OXCT1: variants seen among roughly 807,000 people sequenced by gnomAD.
The protein encoded by OXCT1 is succinyl-CoA:3-ketoacid coenzyme A transferase 1, mitochondrial.
In OXCT1, 27 loss-of-function variants were observed where a neutral mutation model predicts 69.6. That is an observed-to-expected ratio of 0.39 (90% confidence interval 0.29 to 0.54). OXCT1 has a LOEUF of 0.54. Ranked by LOEUF, OXCT1 falls within the 20% of genes least tolerant of loss-of-function variation. OXCT1 has a pLI of 0.72. For missense variants in OXCT1, 437 were observed against 650.2 expected (o/e 0.67, Z 3.57); for synonymous variants, 202 against 217.8 (o/e 0.93, Z 0.64).
intron 14 of OXCT1, among the ~76,000 whole-genome samples, chr5:41,751,305 A>C (rs935652560): frequency 5.2e-4 from 79 of 152,068 alleles, no homozygotes; most frequent in African/African-American, 1.8e-3. Flanking sequence ...AGTTCTCATT[A>C]TTTGAGCAAG....
At chr5:41,772,609 A>T (rs1364811453) in intron 13 of OXCT1, among the ~76,000 whole-genome samples, 1 of 152,238 alleles carries the variant, frequency 6.6e-6, no homozygotes, top group Non-Finnish European at 1.5e-5. Flanking sequence ...CATTAAATTA[A>T]TAACTACTGT....
At chr5:41,759,562 G>A (rs1305411484) in intron 14 of OXCT1, among the ~76,000 whole-genome samples, 1 of 151,980 alleles carries the variant, frequency 6.6e-6, no homozygotes, top group Non-Finnish European at 1.5e-5. Flanking sequence ...GTAGTCTGAG[G>A]GCAGGTGTTA....
At chr5:41,789,218 CCTAA>C (rs1256995286) in intron 13 of OXCT1, among the ~76,000 whole-genome samples, 2 of 152,144 alleles carry the variant, frequency 1.3e-5, no homozygotes, top group East Asian at 1.9e-4. Context: ...CAGTTTCTAT[CCTAA>C]CTATTTAAAG....
rs913510893 is a variant in OXCT1 at position 41,731,227 on chromosome 5, G to A, written c.*502C>T. The stretch of plus-strand genomic sequence containing the variant: ...CATCTGTTTAAAAGCAGTATGGGAG[G>A]AAGGGGGATGTTCTAGGGGGACAAG... On this transcript the variant is annotated 3_prime_UTR_variant, in exon 17 of 17. Coordinates refer to ENST00000196371, the MANE Select transcript of OXCT1 (RefSeq NM_000436.4). The A allele has an allele frequency of 3.0e-5, 7 of 234,792 alleles. No individual in the cohort carries two copies. The highest frequency in any genetic ancestry group is 1.6e-4 in the African/African-American group (7 of 42,782). The allele number at this position is 234,792 out of a possible 1,614,324, so 14.5% of individuals were successfully genotyped here.
chr5:41,791,067 T>C (rs1324811641), intron 13 of OXCT1, among the ~76,000 whole-genome samples: 2 of 152,192 alleles, frequency 1.3e-5, no homozygotes, highest in East Asian at 1.9e-4. Flanking sequence ...AGCCAAAACA[T>C]GTGCTTCAGA....
At chr5:41,796,545 A>G (rs115128175) in intron 11 of OXCT1, among the ~76,000 whole-genome samples, 3,540 of 152,330 alleles carry the variant, frequency 0.023, 56 homozygotes, top group South Asian at 0.04. Flanking sequence ...TAACTTTTCC[A>G]TCAATATCCC....
At chr5:41,840,256 T>C (rs1435423505) in intron 7 of OXCT1, among the ~76,000 whole-genome samples, 195 bp downstream of exon 7, 1 of 152,170 alleles carries the variant, frequency 6.6e-6, no homozygotes, top group African/African-American at 2.4e-5. Flanking sequence ...AGTGAGACCC[T>C]ATCTAACCAG....
At chr5:41,732,347 T>C (rs1742676998) in intron 16 of OXCT1, among the ~76,000 whole-genome samples, 1 of 152,170 alleles carries the variant, frequency 6.6e-6, no homozygotes, top group African/African-American at 2.4e-5. Flanking sequence ...AGTAATAGCA[T>C]TAAAACAATT....
intron 14 of OXCT1, among the ~76,000 whole-genome samples, chr5:41,761,188 G>A (rs1456523029): frequency 2.6e-5 from 4 of 152,098 alleles, no homozygotes; most frequent in East Asian, 1.9e-4. Flanking sequence ...AGCTCAGTTC[G>A]TCCAAAGACA....
chr5:41,784,165 G>A (rs1489884871), intron 13 of OXCT1, among the ~76,000 whole-genome samples: 1 of 152,080 alleles, frequency 6.6e-6, no homozygotes, highest in Admixed American at 6.5e-5. Flanking sequence ...AACAAGTATT[G>A]CAAGATAATT....
intron 7 of OXCT1, among the ~76,000 whole-genome samples, chr5:41,810,405 T>C (rs964980510): frequency 6.6e-6 from 1 of 152,042 alleles, no homozygotes; most frequent in Non-Finnish European, 1.5e-5. Context: ...AATGGGCAGA[T>C]GTAAGTATCC....
At chr5:41,857,278 T>C (rs972277677) in intron 3 of OXCT1, among the ~76,000 whole-genome samples, 1 of 152,334 alleles carries the variant, frequency 6.6e-6, no homozygotes, top group East Asian at 1.9e-4. Flanking sequence ...CACACCCTTG[T>C]GATGGTACTT....
In OXCT1 at chr5:41,851,298, G is replaced by A. The variant is rs147648557; in HGVS notation, c.415-1119C>T. On this transcript the variant is annotated intron_variant, in intron 4 of 16. Transcript: ENST00000196371. ...CATTCAAGTAGGTGGAATATTCTGG[G>A]GAAACAGAGACTTGGGGTATAACTG... 3.8e-3 allele frequency among the ~76,000 whole-genome samples: 576 copies of A among 152,250 alleles called. 3 individuals carry two copies. Among genetic ancestry groups the A allele is most frequent in the Middle Eastern group, 0.014 (4 of 294 alleles).
At chr5:41,747,254 A>T (rs1481476525) in intron 15 of OXCT1, among the ~76,000 whole-genome samples, 1 of 151,786 alleles carries the variant, frequency 6.6e-6, no homozygotes, top group Non-Finnish European at 1.5e-5. Flanking sequence ...AACCAGTTCC[A>T]CTTGCAGGTT....
At position 41,762,093 on chromosome 5, in the gene OXCT1, G is replaced by A. The variant is rs1045885944; in HGVS notation, c.1338+18C>T. On this transcript the variant is annotated intron_variant, in intron 14 of 16. Coordinates refer to ENST00000196371, the MANE Select transcript of OXCT1 (RefSeq NM_000436.4). This position sits in a 1 kb window ranked among gnomAD's most constrained non-coding sequence, Gnocchi z 4.0. ...CAAATTTCCAAAAGCAGTATTTGGGGAGCACAGTACATGTTACCTTTGCAG... is the reference window on the plus strand; with the variant it reads ...CAAATTTCCAAAAGCAGTATTTGGGAAGCACAGTACATGTTACCTTTGCAG... The A allele has an allele frequency of 6.4e-7, 1 of 1,561,150 alleles. No individual in the cohort carries two copies. Among genetic ancestry groups the A allele is most frequent in the African/African-American group, 1.4e-5 (1 of 73,966 alleles).
In OXCT1 at chr5:41,870,375, A is replaced by T; in HGVS notation, c.-17T>A. Reference sequence around the variant, plus strand: ...AGCCGCCATCTTCGGGCGGTGAGGCAGGAGGAGGCTGCGGGTTGGAGCGCG... The same window carrying T: ...AGCCGCCATCTTCGGGCGGTGAGGCTGGAGGAGGCTGCGGGTTGGAGCGCG... On this transcript the variant is annotated 5_prime_UTR_variant, in exon 1 of 17. Coordinates refer to ENST00000196371, the MANE Select transcript of OXCT1 (RefSeq NM_000436.4). The surrounding 1 kb of genome is among the most constrained non-coding windows in gnomAD (Gnocchi z 4.2). 3 of 1,607,102 alleles carry T rather than the reference A, an allele frequency of 1.9e-6. No homozygotes were observed. Among genetic ancestry groups the T allele is most frequent in the Non-Finnish European group, 2.6e-6 (3 of 1,175,288 alleles).
At chr5:41,829,526 T>C (rs1284445497) in intron 7 of OXCT1, among the ~76,000 whole-genome samples, 7 of 152,168 alleles carry the variant, frequency 4.6e-5, no homozygotes, top group African/African-American at 1.4e-4. Flanking sequence ...CCATTGTACC[T>C]GAGATAATGG....
At chr5:41,858,218 C>T (rs960210930) in intron 3 of OXCT1, among the ~76,000 whole-genome samples, 1 of 152,150 alleles carries the variant, frequency 6.6e-6, no homozygotes, top group Non-Finnish European at 1.5e-5. Flanking sequence ...TGTCAGCTTA[C>T]AATGAGAGTG....
chr5:41,858,998 A>G (rs998877797), intron 3 of OXCT1, among the ~76,000 whole-genome samples: 1 of 152,246 alleles, frequency 6.6e-6, no homozygotes, highest in African/African-American at 2.4e-5. Flanking sequence ...AAAATTCCAG[A>G]CATATAAAAT....
Sources: gnomAD v4.1 joint callset for allele counts (sites outside exome capture counted in the v4.1 genomes callset) on GRCh38, gnomAD v4.1.1 for gene constraint, Gnocchi (gnomAD v3.1) non-coding constraint, MANE v1.5 for transcripts, NCBI Gene and HGNC (gene_info 2026-07-23, HGNC 2026-07-21) for gene names.